The following LRRC1 variants were observed in gnomAD, a reference collection of about 807,000 sequenced individuals.
LRRC1 encodes leucine rich repeat containing 1.
Under a neutral mutation model 69.9 loss-of-function variants are expected in LRRC1, and 28 were observed. That is an observed-to-expected ratio of 0.40 (90% CI 0.30 to 0.55). LRRC1 has a LOEUF of 0.55. Among genes scored for constraint, LRRC1 ranks in the 20% least tolerant of loss-of-function variants. The pLI is 0.47. For synonymous variants in LRRC1, 236 were observed against 240.2 expected (o/e 0.98, Z 0.16); for missense variants, 498 against 609.0 (o/e 0.82, Z 1.92).
intron 1 of LRRC1, among the ~76,000 whole-genome samples, chr6:53,801,437 A>G (rs1245287839): frequency 3.3e-5 from 5 of 152,262 alleles, no homozygotes; most frequent in African/African-American, 4.8e-5. Flanking sequence ...ACATACTTCA[A>G]TAACATTATA....
chr6:53,868,555 C>T (rs886285012), intron 2 of LRRC1, among the ~76,000 whole-genome samples: 1 of 152,032 alleles, frequency 6.6e-6, no homozygotes, highest in Non-Finnish European at 1.5e-5. Flanking sequence ...AATTATTTGG[C>T]CTTGAATGGA....
In LRRC1 at chr6:53,795,429, C is replaced by T; in HGVS notation, c.159+14C>T. The T allele has an allele frequency of 6.2e-7, 1 of 1,604,532 alleles. No homozygotes were observed. The highest frequency in any genetic ancestry group is 8.5e-7 in the Non-Finnish European group (1 of 1,177,522). ...GAGCTGCCCGAGGTAAGGGTCCGGC[C>T]TCACCTGAGCGCTCTGCCCGCTCGT... On this transcript the variant is annotated intron_variant, in intron 1 of 13. Coordinates refer to ENST00000370888, the MANE Select transcript of LRRC1 (RefSeq NM_018214.5).
intron 9 of LRRC1, among the ~76,000 whole-genome samples, chr6:53,903,950 C>T (rs1208309141): frequency 6.6e-6 from 1 of 152,232 alleles, no homozygotes; most frequent in Non-Finnish European, 1.5e-5. Flanking sequence ...TTGCCTTTCC[C>T]TGCCCATGCG....
At chr6:53,814,157 G>A (rs543622360) in intron 1 of LRRC1, among the ~76,000 whole-genome samples, 38 of 152,082 alleles carry the variant, frequency 2.5e-4, no homozygotes, top group African/African-American at 8.9e-4. Flanking sequence ...CAATTTACTT[G>A]GCTAAAGTAA....
At chr6:53,880,848 A>G (rs187449472) in intron 3 of LRRC1, among the ~76,000 whole-genome samples, 5 of 152,240 alleles carry the variant, frequency 3.3e-5, no homozygotes, top group Admixed American at 3.3e-4. Flanking sequence ...TGCTCAATAA[A>G]TGTTTGTTGA....
intron 3 of LRRC1, among the ~76,000 whole-genome samples, chr6:53,880,626 G>A (rs192463857): frequency 2.0e-5 from 3 of 152,220 alleles, no homozygotes; most frequent in Non-Finnish European, 4.4e-5. Context: ...AGCATCACAC[G>A]TTTTCCAGAA....
intron 2 of LRRC1, among the ~76,000 whole-genome samples, chr6:53,858,761 C>T (rs1766402112): frequency 6.6e-6 from 1 of 152,012 alleles, no homozygotes; most frequent in Non-Finnish European, 1.5e-5. Context: ...GGTTTACAGC[C>T]CCTTTATCCT....
chr6:53,868,571 G>C (rs1193515483), intron 2 of LRRC1, among the ~76,000 whole-genome samples: 1 of 152,110 alleles, frequency 6.6e-6, no homozygotes, highest in Non-Finnish European at 1.5e-5. Flanking sequence ...ATGGAAAACA[G>C]CGGTCATCTC....
intron 1 of LRRC1, among the ~76,000 whole-genome samples, chr6:53,839,651 CT>C (rs1418331782): frequency 1.3e-5 from 2 of 151,992 alleles, no homozygotes; most frequent in Non-Finnish European, 2.9e-5. Context: ...GAAGATGAGG[CT>C]TTAGTTCTTA....
intron 11 of LRRC1, 92 bp from the exon 12 acceptor site, chr6:53,919,406 T>G: frequency 9.2e-7 from 1 of 1,087,814 alleles, no homozygotes; most frequent in Admixed American, 3.1e-5. Context: ...GAAGCTCCTT[T>G]TAATTTTTCC....
intron 1 of LRRC1, among the ~76,000 whole-genome samples, chr6:53,841,156 T>C (rs1408520787): frequency 6.6e-6 from 1 of 152,212 alleles, no homozygotes; most frequent in Non-Finnish European, 1.5e-5. Context: ...ATGGTTATGT[T>C]ACCCCCTGCC....
chr6:53,853,120 T>G (rs1350713507), intron 2 of LRRC1, among the ~76,000 whole-genome samples: 2 of 152,092 alleles, frequency 1.3e-5, no homozygotes, highest in Non-Finnish European at 2.9e-5. Flanking sequence ...GTTGAGTGTC[T>G]TTTATAAAGG....
Position 53,922,759 on chromosome 6 carries a change from A to G in LRRC1, c.1541A>G (p.Asn514Ser), listed in dbSNP as rs373052418. ...CTGGACTCAAACAAAAACGAGGTCA[A>G]TCATGCCATTGACCGAGTGACCACT... is the stretch of plus-strand genomic sequence containing the variant. ...KGLDSNKNEV[N>S]HAIDRVTTSV The change falls in exon 14 of 14, where the codon AAT (asparagine) becomes AGT (serine). Residue 514 changes from asparagine to serine, a missense_variant. Transcript: ENST00000370888. The G allele has an allele frequency of 1.2e-5, 20 of 1,613,968 alleles. No individual in the cohort carries two copies. Among genetic ancestry groups the G allele is most frequent in the Non-Finnish European group, 1.5e-5 (18 of 1,179,958 alleles).
Position 53,876,285 on chromosome 6 carries a change from C to A in LRRC1, c.278-2708C>A, listed in dbSNP as rs111712389. ...GAGAACAGCTCAGAAAGACCTGCCCCCATGATTCAGTTACCTCCTACCGGG... is the reference window on the plus strand; with the variant it reads ...GAGAACAGCTCAGAAAGACCTGCCCACATGATTCAGTTACCTCCTACCGGG... On this transcript the variant is annotated intron_variant, in intron 2 of 13. Transcript: ENST00000370888. 9.4e-3 allele frequency among the ~76,000 whole-genome samples: 1,432 copies of A among 152,214 alleles called. 22 individuals carry two copies. Among genetic ancestry groups the A allele is most frequent in the African/African-American group, 0.032 (1,318 of 41,524 alleles).
chr6:53,856,190 G>A (rs1029630084), intron 2 of LRRC1, among the ~76,000 whole-genome samples: 6 of 152,232 alleles, frequency 3.9e-5, no homozygotes, highest in Admixed American at 6.5e-5. Flanking sequence ...GCTTCATTGT[G>A]ATAAGGGACG....
At chr6:53,871,211 C>T (rs777083236) in intron 2 of LRRC1, among the ~76,000 whole-genome samples, 4 of 152,090 alleles carry the variant, frequency 2.6e-5, no homozygotes, top group African/African-American at 4.8e-5. Flanking sequence ...GAGGAACCGC[C>T]GTAGTTTTTC....
chr6:53,849,621 G>A (rs922669005), intron 2 of LRRC1, among the ~76,000 whole-genome samples: 13 of 152,174 alleles, frequency 8.5e-5, no homozygotes, highest in African/African-American at 2.9e-4. Flanking sequence ...CTCTTACTGA[G>A]CTAGAAAAGA....
At chr6:53,815,189 G>T (rs1360351237) in intron 1 of LRRC1, among the ~76,000 whole-genome samples, 1 of 152,202 alleles carries the variant, frequency 6.6e-6, no homozygotes, top group Non-Finnish European at 1.5e-5. Context: ...AGTGCCCCAG[G>T]TGACTGATGC....
rs142875757 is a variant in LRRC1, at chr6:53,805,080, G to A, written c.159+9665G>A. On this transcript the variant is annotated intron_variant, in intron 1 of 13. Transcript: ENST00000370888. Reference sequence around the variant, plus strand: ...TTATTCTTGAGTGCAATTCTTTTCCGTAGGTCTGGAAAAGGCCTCGGGTAG... The same window carrying A: ...TTATTCTTGAGTGCAATTCTTTTCCATAGGTCTGGAAAAGGCCTCGGGTAG... 2.0e-3 allele frequency among the ~76,000 whole-genome samples: 300 copies of A among 151,576 alleles called. 4 individuals are homozygous for A. The East Asian group carries it at 0.041, about 21-fold the overall frequency.
Sources: allele counts gnomAD v4.1 joint callset (sites outside exome capture counted in the v4.1 genomes callset), GRCh38; gene constraint gnomAD v4.1.1; transcripts MANE v1.5; gene names NCBI Gene and HGNC (gene_info 2026-07-23, HGNC 2026-07-21).